Variants in PLEKHH2 observed in about 807,000 individuals in gnomAD.
PLEKHH2 encodes pleckstrin homology, MyTH4 and FERM domain containing H2.
In PLEKHH2, 129 loss-of-function variants were observed where a neutral mutation model predicts 187.9. The observed-to-expected ratio is 0.69, with a 90% CI of 0.59 to 0.79. The LOEUF is 0.79. PLEKHH2 is among the 30% of genes least tolerant of loss of function. The pLI, the probability that PLEKHH2 is intolerant of heterozygous loss-of-function variation, is 0.00. For missense variants in PLEKHH2, 2,076 were observed against 1,751.2 expected (o/e 1.19, Z -3.31); for synonymous variants, 686 against 605.6 (o/e 1.13, Z -1.95).
chr2:43,738,940 G>A (rs1671429370), intron 20 of PLEKHH2, among the ~76,000 whole-genome samples: 1 of 152,118 alleles, frequency 6.6e-6, no homozygotes, highest in South Asian at 2.1e-4. Flanking sequence ...TGCCCAGGCT[G>A]GAGTGCAATG....
chr2:43,731,418 A>G, intron 18 of PLEKHH2, 72 bp from the exon 19 acceptor site: 1 of 1,020,998 alleles, frequency 9.8e-7, no homozygotes, highest in Non-Finnish European at 1.5e-6. Flanking sequence ...TAATGTCTAA[A>G]GGATTAATTT....
chr2:43,658,975 T>TTC (rs1177605674), intron 2 of PLEKHH2: 2 of 143,516 alleles, frequency 1.4e-5, no homozygotes, highest in African/African-American at 5.2e-5. Context: ...TTTTCTTTCT[T>TTC]TTTTTTTTTT....
At chr2:43,703,204 G>A (rs1194523757) in intron 8 of PLEKHH2, among the ~76,000 whole-genome samples, 1 of 152,182 alleles carries the variant, frequency 6.6e-6, no homozygotes, top group Non-Finnish European at 1.5e-5. Flanking sequence ...CTGTGTCCAA[G>A]TTAGACCCAT....
chr2:43,697,135 A>T (rs752642936), intron 6 of PLEKHH2, 36 bp from the exon 7 acceptor site: 1 of 1,498,806 alleles, frequency 6.7e-7, no homozygotes, highest in East Asian at 2.3e-5. Context: ...CTTCTATAAA[A>T]AATTCAAATC....
chr2:43,710,143 A>T lies in PLEKHH2; in HGVS notation c.2103+17A>T. ...GGGAAAAATGTAAATATTGAATATG[A>T]TTTTTAAAAAGCAGTCAGTCAGATT... On this transcript the variant is annotated intron_variant, in intron 12 of 29. Coordinates refer to ENST00000282406, the MANE Select transcript of PLEKHH2 (RefSeq NM_172069.4). 1 of 1,610,276 alleles carries T rather than the reference A, an allele frequency of 6.2e-7. No individual in the cohort carries two copies. The highest frequency in any genetic ancestry group is 8.5e-7 in the Non-Finnish European group (1 of 1,178,692).
chr2:43,764,438 G>A (rs1159783745), intron 29 of PLEKHH2, 73 bp downstream of exon 29: 46 of 1,450,862 alleles, frequency 3.2e-5, no homozygotes, highest in Non-Finnish European at 4.3e-5. Flanking sequence ...AGGCCAAAAA[G>A]CAATGCTAAT....
intron 16 of PLEKHH2, among the ~76,000 whole-genome samples, chr2:43,722,504 A>T (rs1157956688): frequency 1.3e-5 from 2 of 152,174 alleles, no homozygotes; most frequent in Non-Finnish European, 2.9e-5. Flanking sequence ...CCGTAGTCCC[A>T]GGAGAATAAC....
intron 7 of PLEKHH2, 73 bp downstream of exon 7, chr2:43,697,429 A>G: frequency 1.6e-6 from 2 of 1,225,244 alleles, no homozygotes; most frequent in East Asian, 2.5e-5. Context: ...ATTAATCCAA[A>G]TATAGCTTAA....
chr2:43,751,678 T>G (rs1005943175), intron 24 of PLEKHH2, among the ~76,000 whole-genome samples: 6 of 152,250 alleles, frequency 3.9e-5, no homozygotes, highest in Non-Finnish European at 1.5e-5. Flanking sequence ...GGAAGCCCAT[T>G]CTGTCTGCTG....
chr2:43,724,778 C>T (rs1161051330), intron 16 of PLEKHH2, among the ~76,000 whole-genome samples: 1 of 152,128 alleles, frequency 6.6e-6, no homozygotes, highest in African/African-American at 2.4e-5. Flanking sequence ...GATCCAATAA[C>T]TTAATCAAAT....
intron 9 of PLEKHH2, among the ~76,000 whole-genome samples, chr2:43,704,662 TAAAAAAAAA>T (rs70965318): frequency 1.2e-5 from 1 of 84,292 alleles, no homozygotes; most frequent in Non-Finnish European, 2.2e-5. Flanking sequence ...GATTCTGTCT[TAAAAAAAAA>T]AAAAAAAAAA....
intron 23 of PLEKHH2, 69 bp from the exon 24 acceptor site, chr2:43,745,797 G>A: frequency 8.4e-7 from 1 of 1,196,584 alleles, no homozygotes. Context: ...TCAGTCTGCA[G>A]CACACTTGTC....
intron 2 of PLEKHH2, among the ~76,000 whole-genome samples, chr2:43,674,182 A>G (rs558212946): frequency 6.6e-6 from 1 of 152,290 alleles, no homozygotes; most frequent in East Asian, 1.9e-4. Flanking sequence ...ACTAGAAACT[A>G]TACATTTGAG....
chr2:43,646,746 A>C (rs1666202166), intron 2 of PLEKHH2, among the ~76,000 whole-genome samples: 1 of 151,648 alleles, frequency 6.6e-6, no homozygotes, highest in African/African-American at 2.4e-5. Context: ...TTGTCAGTGA[A>C]TGAACATTGA....
chr2:43,720,586 A>G lies in PLEKHH2; in HGVS notation c.2461-83A>G. On this transcript the variant is annotated intron_variant, in intron 15 of 29. Transcript: ENST00000282406. ...ATCTGGGCAAACTGGATGCCTATAG[A>G]AACTCAAATAGGGTGTATAAGCTAT... is the stretch of plus-strand genomic sequence containing the variant. 5.1e-6 allele frequency: 8 copies of G among 1,564,082 alleles called. No homozygotes were observed. The South Asian group carries it at 8.3e-5, about 16-fold the overall frequency.
intron 2 of PLEKHH2, among the ~76,000 whole-genome samples, chr2:43,657,478 G>T (rs919689): frequency 0.37 from 56,460 of 152,026 alleles, 10,820 homozygotes; most frequent in Non-Finnish European, 0.41. Flanking sequence ...AGAGCAAGTG[G>T]AAGCTGCAAA....
rs386354945 is a variant in PLEKHH2, at chr2:43,754,206, A to AC, written c.3795+446_3795+447insC. The stretch of plus-strand genomic sequence containing the variant: ...CACACACACACACACACACACACAC[A>AC]AAATTAATACTGACTTAATCAGAAT... On this transcript the variant is annotated intron_variant, in intron 25 of 29. Coordinates refer to ENST00000282406, the MANE Select transcript of PLEKHH2 (RefSeq NM_172069.4). Among the ~76,000 whole-genome samples, 120 of 101,906 alleles carry AC rather than the reference A, an allele frequency of 1.2e-3. 1 individual carries two copies. Among genetic ancestry groups the AC allele is most frequent in the African/African-American group, 5.1e-3 (114 of 22,536 alleles). 66.9% of individuals were successfully genotyped at this position (101,906 alleles called of 152,430 possible). A position where few individuals can be genotyped will look rare whatever the true frequency, so the allele number is the denominator to read the frequency against.
intron 21 of PLEKHH2, among the ~76,000 whole-genome samples, chr2:43,742,027 G>T (rs1408901027): frequency 1.3e-5 from 2 of 151,468 alleles, no homozygotes; most frequent in Admixed American, 6.6e-5. Context: ...TTGAGGCAGG[G>T]TCTCACTCTG....
chr2:43,677,597 T>G (rs1385175962), intron 2 of PLEKHH2, among the ~76,000 whole-genome samples: 1 of 151,668 alleles, frequency 6.6e-6, no homozygotes, highest in South Asian at 2.1e-4. Context: ...CATGTCTACT[T>G]CTTTCCACAC....
Sources: gnomAD v4.1 joint callset for allele counts (sites outside exome capture counted in the v4.1 genomes callset) on GRCh38, gnomAD v4.1.1 for gene constraint, MANE v1.5 for transcripts, NCBI Gene and HGNC (gene_info 2026-07-23, HGNC 2026-07-21) for gene names.